Variants in R3HDM2 observed in about 807,000 individuals in gnomAD.
R3HDM2 encodes R3H domain-containing protein 2.
A neutral mutation model predicts 124.5 loss-of-function variants in R3HDM2; 38 were observed. The observed-to-expected ratio is 0.31, with a 90% CI of 0.24 to 0.40. The LOEUF (loss-of-function observed/expected upper bound fraction) is 0.40. Ranked by LOEUF, R3HDM2 falls within the 10% of genes least tolerant of loss-of-function variation. The pLI is 1.00. For missense variants in R3HDM2, 869 were observed against 1,236.9 expected, an observed-to-expected ratio of 0.70 and a Z score of 4.46; for synonymous variants, 391 against 448.0, an observed-to-expected ratio of 0.87 and a Z score of 1.61.
intron 19 of R3HDM2, among the ~76,000 whole-genome samples, chr12:57,263,389 C>CA (rs2041389958): frequency 1.3e-5 from 2 of 152,166 alleles, no homozygotes; most frequent in Non-Finnish European, 2.9e-5. Flanking sequence ...CTAGGAGAAA[C>CA]AGCCAGAGAG....
At chr12:57,345,686 A>C (rs1476916348) in intron 2 of R3HDM2, among the ~76,000 whole-genome samples, 2 of 152,126 alleles carry the variant, frequency 1.3e-5, no homozygotes. Flanking sequence ...GACTACAGGC[A>C]TGTGCCCCCA....
At chr12:57,376,677 C>A (rs1167335184) in intron 2 of R3HDM2, among the ~76,000 whole-genome samples, 1 of 151,950 alleles carries the variant, frequency 6.6e-6, no homozygotes, top group South Asian at 2.1e-4. Context: ...GGGACGGGGG[C>A]AGTGGCTCAC....
At chr12:57,256,567 T>C (rs1463631754) in intron 21 of R3HDM2, 56 bp from the exon 22 acceptor site, 12 of 1,338,986 alleles carry the variant, frequency 9.0e-6, no homozygotes, top group Non-Finnish European at 1.1e-5. Flanking sequence ...GTATGACTTT[T>C]ATAAGACTTC....
intron 3 of R3HDM2, among the ~76,000 whole-genome samples, chr12:57,305,474 C>T (rs1456180569): frequency 6.6e-6 from 1 of 152,092 alleles, no homozygotes. Flanking sequence ...TCCTAAATTG[C>T]CCCTCAAAGT....
At chr12:57,282,121 C>T (rs2046293796) in intron 13 of R3HDM2, among the ~76,000 whole-genome samples, 1 of 151,898 alleles carries the variant, frequency 6.6e-6, no homozygotes, top group African/African-American at 2.4e-5. Flanking sequence ...ACCAGCCTGG[C>T]CAACGTGGTG....
chr12:57,282,109 A>C (rs1197747954), intron 13 of R3HDM2, among the ~76,000 whole-genome samples: 2 of 152,060 alleles, frequency 1.3e-5, no homozygotes, highest in African/African-American at 2.4e-5. Flanking sequence ...CAGGAGTTTG[A>C]GACCAGCCTG....
chr12:57,405,524 C>T (rs935701753), intron 1 of R3HDM2, among the ~76,000 whole-genome samples: 36 of 151,982 alleles, frequency 2.4e-4, no homozygotes, highest in Non-Finnish European at 5.9e-5. Context: ...GTCTCAGCTA[C>T]TGGGGAGGCT....
At chr12:57,267,999 T>C (rs1262434703) in intron 18 of R3HDM2, among the ~76,000 whole-genome samples, 1 of 152,204 alleles carries the variant, frequency 6.6e-6, no homozygotes, top group East Asian at 1.9e-4. Flanking sequence ...AAAAATTTCT[T>C]CTCTTAATGA....
chr12:57,303,278 C>CA (rs2051681754), intron 3 of R3HDM2, 61 bp from the exon 4 acceptor site: 1 of 1,366,098 alleles, frequency 7.3e-7, no homozygotes, highest in African/African-American at 1.5e-5. Context: ...AAGTTAAAAA[C>CA]AATACATGTT....
At chr12:57,418,161 C>T in intron 1 of R3HDM2, 1 of 985,380 alleles carries the variant, frequency 1.0e-6, no homozygotes, top group Non-Finnish European at 1.2e-6. Flanking sequence ...TAAGCAACAC[C>T]ACCCAGTTTG....
intron 19 of R3HDM2, among the ~76,000 whole-genome samples, chr12:57,265,251 G>A (rs1190942511): frequency 6.6e-6 from 1 of 152,194 alleles, no homozygotes; most frequent in East Asian, 1.9e-4. Flanking sequence ...GTGACTTTAG[G>A]CAAGTCATTT....
In R3HDM2 at chr12:57,386,312, G is replaced by A. The variant is rs887217051; in HGVS notation, c.-36+9437C>T. 3.9e-5 allele frequency among the ~76,000 whole-genome samples: 6 copies of A among 152,334 alleles called. No homozygotes were observed. In the South Asian group the frequency reaches 8.3e-4, roughly 21 times the overall value. On this transcript the variant is annotated intron_variant, in intron 2 of 23. Coordinates refer to ENST00000402412, the MANE Select transcript of R3HDM2 (RefSeq NM_001394031.1). ...CCTCAGCTTGCGGGGAGGTGTGGACGGAGAGGCACGGGCGGGAACCGAGGC... is the reference window on the plus strand; with the variant it reads ...CCTCAGCTTGCGGGGAGGTGTGGACAGAGAGGCACGGGCGGGAACCGAGGC...
intron 19 of R3HDM2, among the ~76,000 whole-genome samples, chr12:57,259,737 T>C (rs1348080335): frequency 6.6e-6 from 1 of 152,202 alleles, no homozygotes; most frequent in Non-Finnish European, 1.5e-5. Context: ...AGTTCCTATG[T>C]TGGGCACTGA....
Position 57,296,297 on chromosome 12 carries a change from T to A in R3HDM2, c.701+114A>T. 8.1e-7 allele frequency: 1 copy of A among 1,229,846 alleles called. No individual in the cohort carries two copies. The highest frequency in any genetic ancestry group is 1.5e-5 in the African/African-American group (1 of 66,528). The allele number at this position is 1,229,846 out of a possible 1,614,324, so 76.2% of individuals were successfully genotyped here. On this transcript the variant is annotated intron_variant, in intron 9 of 23. Transcript: ENST00000402412. The surrounding 1 kb of genome is among the most constrained non-coding windows in gnomAD (Gnocchi z 4.5). Reference sequence around the variant, plus strand: ...CCTCCCAAAGTGCTGGGATTACAGGTGTGAGCCACCACGCCTGGCCATCTG... The same window carrying A: ...CCTCCCAAAGTGCTGGGATTACAGGAGTGAGCCACCACGCCTGGCCATCTG...
At chr12:57,305,543 A>G (rs2052396187) in intron 3 of R3HDM2, 2 of 397,858 alleles carry the variant, frequency 5.0e-6, no homozygotes, top group South Asian at 1.3e-4. Context: ...TATTTCCCAG[A>G]ATGGATAGTT....
At chr12:57,386,569 G>GCGCAGCCTGAGCCTCCCTGACGAGCGC (rs1660805552) in intron 2 of R3HDM2, among the ~76,000 whole-genome samples, 2 of 152,212 alleles carry the variant, frequency 1.3e-5, no homozygotes, top group African/African-American at 2.4e-5. Context: ...GTGGGCTCCT[G>GCGCAGCCTGAGCCTCCCTGACGAGCGC]CGCAGCCTGA....
chr12:57,328,052 C>T (rs1338470056), intron 2 of R3HDM2, among the ~76,000 whole-genome samples: 1 of 150,830 alleles, frequency 6.6e-6, no homozygotes, highest in East Asian at 1.9e-4. Context: ...AACAGTCAGT[C>T]GATTCGGTAA....
chr12:57,298,174 A>T lies in R3HDM2; in HGVS notation c.422-6T>A, dbSNP rs1209524628. 2.6e-6 allele frequency: 4 copies of T among 1,543,196 alleles called. No homozygotes were observed. In the East Asian group the frequency reaches 9.8e-5, roughly 38 times the overall value. On this transcript the variant is annotated splice_region_variant and splice_polypyrimidine_tract_variant and intron_variant, in intron 6 of 23. Transcript: ENST00000402412. ...CGTATATTCCTGGCTGGAGTCTAGA[A>T]CCACCACAACAAAAGAAATTAAAAT... is the stretch of plus-strand genomic sequence containing the variant.
intron 2 of R3HDM2, among the ~76,000 whole-genome samples, chr12:57,316,582 CTTT>C (rs761496804): frequency 6.0e-5 from 6 of 100,110 alleles, no homozygotes; most frequent in Non-Finnish European, 6.1e-5. Flanking sequence ...TGCATCCATC[CTTT>C]TTTTTTTTTT....
Sources: allele counts gnomAD v4.1 joint callset (sites outside exome capture counted in the v4.1 genomes callset), GRCh38; gene constraint gnomAD v4.1.1; non-coding constraint Gnocchi (gnomAD v3.1); transcripts MANE v1.5; gene names NCBI Gene and HGNC (gene_info 2026-07-23, HGNC 2026-07-21).